Variants in KLC4 observed in about 807,000 individuals in gnomAD.
KLC4 encodes the protein kinesin-like protein 8.
A neutral mutation model predicts 77.2 loss-of-function variants in KLC4; 49 were observed. The observed-to-expected ratio is 0.63, with a 90% CI of 0.50 to 0.80. The LOEUF (loss-of-function observed/expected upper bound fraction) is 0.80. Ranked by LOEUF, KLC4 falls within the 30% of genes least tolerant of loss-of-function variation. KLC4 has a pLI of 0.00. For synonymous variants in KLC4, 274 were observed against 314.5 expected, an observed-to-expected ratio of 0.87 and a Z score of 1.36; for missense variants, 669 against 793.5, an observed-to-expected ratio of 0.84 and a Z score of 1.89.
chr6:43,059,817 C>T (rs1383843368), intron 1 of KLC4, 132 bp downstream of exon 1: 7 of 1,169,644 alleles, frequency 6.0e-6, no homozygotes, highest in Non-Finnish European at 7.4e-6. Context: ...CTCCGCCCTT[C>T]GCGATTCTTC....
At chr6:43,060,403 CAGAG>C in intron 1 of KLC4, 1 of 1,452,988 alleles carries the variant, frequency 6.9e-7, no homozygotes, top group Non-Finnish European at 9.2e-7. Flanking sequence ...GACCTGTGGG[CAGAG>C]GGAGGGAGGG....
chr6:43,072,776 TGAG>T, intron 12 of KLC4, 45 bp from the exon 13 acceptor site: 1 of 1,595,750 alleles, frequency 6.3e-7, no homozygotes, highest in Non-Finnish European at 8.5e-7. Context: ...AGCCCCATCC[TGAG>T]GAGTTAAGGA....
Position 43,074,855 on chromosome 6 carries a change from C to T in KLC4, c.*183C>T, listed in dbSNP as rs1765912825. 1 of 617,236 alleles carries T rather than the reference C, an allele frequency of 1.6e-6. No individual in the cohort carries two copies. Among genetic ancestry groups the T allele is most frequent in the South Asian group, 1.8e-5 (1 of 54,244 alleles). The allele number at this position is 617,236 out of a possible 1,614,324, so 38.2% of individuals were successfully genotyped here. A position where few individuals can be genotyped will look rare whatever the true frequency, so the allele number is the denominator to read the frequency against. ...CTCAGGAATCCCTCTTAGGAAGGAC[C>T]CTCAGGACACCCTCTCTGCACCCTG... On this transcript the variant is annotated 3_prime_UTR_variant, in exon 16 of 16. Coordinates refer to ENST00000347162, the MANE Select transcript of KLC4 (RefSeq NM_201521.3).
At position 43,073,027 on chromosome 6, in the gene KLC4, C is replaced by T. The variant is rs553600008; in HGVS notation, c.1629+63C>T. On this transcript the variant is annotated intron_variant, in intron 13 of 15. Transcript: ENST00000347162. ...CTCCTGCTGGTGGTGGTGAGAGGCT[C>T]TTGGCCATGCTGTCCCAGTCTAGGT... 4 of 1,524,302 alleles carry T rather than the reference C, an allele frequency of 2.6e-6. No homozygotes were observed. The Admixed American group carries it at 8.5e-5, about 32-fold the overall frequency. 94.4% of individuals were successfully genotyped at this position (1,524,302 alleles called of 1,614,324 possible). A position where few individuals can be genotyped will look rare whatever the true frequency, so the allele number is the denominator to read the frequency against.
In KLC4 at chr6:43,066,497, A is replaced by G. The variant is rs1765439585; in HGVS notation, c.763A>G (p.Met255Val). The G allele has an allele frequency of 6.2e-7, 1 of 1,613,602 alleles. No individual in the cohort carries two copies. The highest frequency in any genetic ancestry group is 1.1e-5 in the South Asian group (1 of 91,064). ...SGRGHPDVAT[M>V]LNILALVYRD... ...CCGTGGCCACCCTGATGTCGCCACC[A>G]TGCTCAACATCCTTGCTTTGGTGTA... is the stretch of plus-strand genomic sequence containing the variant. The change falls in exon 5 of 16, where the codon ATG (methionine) becomes GTG (valine). Residue 255 changes from methionine to valine, a missense_variant. By Grantham distance (21) the Met-to-Val change is conservative. Transcript: ENST00000347162.
chr6:43,073,955 C>CACCCCTCCAGGTGAGAGCAGT lies in KLC4; in HGVS notation c.1800_1809+11dup. On this transcript the variant is annotated inframe_insertion, in exon 15 of 16. Coordinates refer to ENST00000347162, the MANE Select transcript of KLC4 (RefSeq NM_201521.3). ...AACTATCTGAACCAACCTAGTGCAG[C>CACCCCTCCAGGTGAGAGCAGT]ACCCCTCCAGGTGAGAGCAGTGCTT... is the stretch of plus-strand genomic sequence containing the variant. 1 of 1,610,506 alleles carries CACCCCTCCAGGTGAGAGCAGT rather than the reference C, an allele frequency of 6.2e-7. No individual in the cohort carries two copies. Among genetic ancestry groups the CACCCCTCCAGGTGAGAGCAGT allele is most frequent in the Non-Finnish European group, 8.5e-7 (1 of 1,178,104 alleles).
intron 2 of KLC4, among the ~76,000 whole-genome samples, chr6:43,061,903 C>T (rs575697419): frequency 6.6e-6 from 1 of 152,138 alleles, no homozygotes; most frequent in Middle Eastern, 3.4e-3. Context: ...CAAAATAAAG[C>T]AGGGAAGGAA....
At chr6:43,069,062 C>G (rs961135991) in intron 6 of KLC4, among the ~76,000 whole-genome samples, 2 of 151,934 alleles carry the variant, frequency 1.3e-5, no homozygotes, top group African/African-American at 4.8e-5. Context: ...GAGCCAAGAT[C>G]GCACCATTGC....
In KLC4 at chr6:43,063,071, C is replaced by T. The variant is rs753156194; in HGVS notation, c.413C>T (p.Ala138Val). ...QRLQRSEQAV[A>V]QLEEEKKHLE... ...CTACAGCGCAGTGAACAGGCTGTGG[C>T]TCAGCTGGAGGAGGAAAAGAAGCAC... Residue 138 changes from alanine to valine, a missense_variant, in exon 3 of 16, where the codon GCT becomes GTT. By Grantham distance (64) the Ala-to-Val change is moderately conservative. Coordinates refer to ENST00000347162, the MANE Select transcript of KLC4 (RefSeq NM_201521.3). The T allele has an allele frequency of 5.0e-6, 8 of 1,614,128 alleles. No individual in the cohort carries two copies. In the African/African-American group the frequency reaches 1.1e-4, roughly 22 times the overall value.
At position 43,072,901 on chromosome 6, in the gene KLC4, C is replaced by T; in HGVS notation, c.1566C>T (p.Gly522=). The change falls in exon 13 of 16, where the codon GGC becomes GGT. Residue 522 remains glycine, a synonymous_variant. Coordinates refer to ENST00000347162, the MANE Select transcript of KLC4 (RefSeq NM_201521.3). ...ATGGTAGAAGGACCTCCCAGGAGGGCCCTGGAGACAGTGTGAAATTCGAGG... is the reference window on the plus strand; with the variant it reads ...ATGGTAGAAGGACCTCCCAGGAGGGTCCTGGAGACAGTGTGAAATTCGAGG... ...ESDGRRTSQE[G]PGDSVKFEGG... is the part of the protein sequence containing the mutation. The T allele has an allele frequency of 1.2e-6, 2 of 1,611,342 alleles. No homozygotes were observed. Among genetic ancestry groups the T allele is most frequent in the South Asian group, 2.2e-5 (2 of 90,744 alleles).
At chr6:43,063,191 G>C in intron 3 of KLC4, 44 bp downstream of exon 3, 1 of 1,472,510 alleles carries the variant, frequency 6.8e-7, no homozygotes, top group Non-Finnish European at 9.4e-7. Flanking sequence ...GGGCAGCCGG[G>C]AGTTACCACA....
rs145201350 is a variant in KLC4 at position 43,072,241 on chromosome 6, C to T, written c.1474C>T (p.Arg492Trp). The part of the protein sequence containing the change: ...AAETLEECAL[R>W]SRRQGTDPIS... Reference sequence around the variant, plus strand: ...TGAGACCCTGGAGGAATGTGCCCTGCGGTCCCGGAGACAGGTCAGAAGCCC... The same window carrying T: ...TGAGACCCTGGAGGAATGTGCCCTGTGGTCCCGGAGACAGGTCAGAAGCCC... Residue 492 changes from arginine (R) to tryptophan (W), a missense_variant, in exon 12 of 16, where the codon CGG (arginine) becomes TGG (tryptophan). Coordinates refer to ENST00000347162, the MANE Select transcript of KLC4 (RefSeq NM_201521.3). The T allele has an allele frequency of 3.8e-5, 61 of 1,613,528 alleles. No homozygotes were observed. The highest frequency in any genetic ancestry group is 1.7e-4 in the Middle Eastern group (1 of 6,056).
chr6:43,066,012 C>T (rs1162965687), intron 4 of KLC4, among the ~76,000 whole-genome samples: 1 of 152,124 alleles, frequency 6.6e-6, no homozygotes, highest in African/African-American at 2.4e-5. Flanking sequence ...AGACCATGAG[C>T]CCCCCAAGGG....
chr6:43,061,736 C>T, intron 2 of KLC4, 143 bp downstream of exon 2: 2 of 865,802 alleles, frequency 2.3e-6, no homozygotes, highest in African/African-American at 1.7e-5. Flanking sequence ...CTACTGTGTG[C>T]CAGAATGCTT....
At chr6:43,065,919 A>G (rs1172234939) in intron 4 of KLC4, among the ~76,000 whole-genome samples, 2 of 152,230 alleles carry the variant, frequency 1.3e-5, no homozygotes, top group African/African-American at 4.8e-5. Context: ...TGTGCTAGGC[A>G]CTAGGAGTAC....
chr6:43,066,628 G>GT, intron 5 of KLC4, 103 bp downstream of exon 5: 1 of 997,776 alleles, frequency 1.0e-6, no homozygotes, highest in South Asian at 1.5e-5. Flanking sequence ...TCTCCTCCCT[G>GT]TTGGGCCTCC....
intron 8 of KLC4, 72 bp from the exon 9 acceptor site, chr6:43,071,203 A>C: frequency 2.5e-6 from 1 of 403,938 alleles, no homozygotes; most frequent in Non-Finnish European, 3.8e-6. Context: ...CCTTGTCTAA[A>C]AAAAAAAAAA....
In KLC4 at chr6:43,074,046, A is replaced by G. The variant is rs1377432035; in HGVS notation, c.1809+81A>G. The G allele has an allele frequency of 4.5e-6, 5 of 1,099,548 alleles. No individual in the cohort carries two copies. The African/African-American group carries it at 4.7e-5, about 10-fold the overall frequency. 68.1% of individuals were successfully genotyped at this position (1,099,548 alleles called of 1,614,324 possible). A position where few individuals can be genotyped will look rare whatever the true frequency, so the allele number is the denominator to read the frequency against. On this transcript the variant is annotated intron_variant, in intron 15 of 15. Coordinates refer to ENST00000347162, the MANE Select transcript of KLC4 (RefSeq NM_201521.3). ...AGCAAGCCCAGTGGAGTAAGGGAAG[A>G]GGGAAGGGAGAGGAGTCATCTGGGA... is the stretch of plus-strand genomic sequence containing the variant.
In KLC4 at chr6:43,061,296, G is replaced by A. The variant is rs1765140549; in HGVS notation, c.-25-15G>A. The stretch of plus-strand genomic sequence containing the variant: ...CTCATCTTTACACCAGCTGAACTCT[G>A]TTGTTTCTCCCTAGACCGGGCAAGG... On this transcript the variant is annotated splice_polypyrimidine_tract_variant and intron_variant, in intron 1 of 15. Transcript: ENST00000347162. 2 of 1,604,816 alleles carry A rather than the reference G, an allele frequency of 1.2e-6. No individual in the cohort carries two copies. Among genetic ancestry groups the A allele is most frequent in the African/African-American group, 1.3e-5 (1 of 74,708 alleles).
Sources: gnomAD v4.1 joint callset for allele counts (sites outside exome capture counted in the v4.1 genomes callset) on GRCh38, gnomAD v4.1.1 for gene constraint, MANE v1.5 for transcripts, NCBI Gene and HGNC (gene_info 2026-07-23, HGNC 2026-07-21) for gene names.